The following WDPCP variants were observed in gnomAD, a reference collection of about 807,000 sequenced individuals.
WDPCP encodes the protein WD repeat-containing and planar cell polarity effector protein fritz homolog.
Under a neutral mutation model 93.1 loss-of-function variants are expected in WDPCP, and 71 were observed. That is an observed-to-expected ratio of 0.76 (90% CI 0.63 to 0.93). WDPCP has a LOEUF of 0.93. Ranked by LOEUF, WDPCP falls within the 40% of genes least tolerant of loss-of-function variation. The pLI is 0.00. For synonymous variants in WDPCP, 315 were observed against 315.0 expected (o/e 1.00, Z 0.00); for missense variants, 844 against 887.4 (o/e 0.95, Z 0.62).
At chr2:63,281,593 G>A (rs960384072) in intron 13 of WDPCP, among the ~76,000 whole-genome samples, 1 of 152,094 alleles carries the variant, frequency 6.6e-6, no homozygotes, top group Non-Finnish European at 1.5e-5. Flanking sequence ...ACCAATCAAC[G>A]AGCGGATAAA....
intron 14 of WDPCP, among the ~76,000 whole-genome samples, chr2:63,192,175 A>C (rs1212535210): frequency 6.6e-6 from 1 of 152,194 alleles, no homozygotes; most frequent in Non-Finnish European, 1.5e-5. Context: ...ATTTCACAGC[A>C]AGAATGAAAA....
intron 2 of WDPCP, among the ~76,000 whole-genome samples, chr2:63,708,796 CA>C (rs1419990025): frequency 6.6e-6 from 1 of 151,894 alleles, no homozygotes; most frequent in Admixed American, 6.6e-5. Context: ...ATTTTTAGTA[CA>C]GACAGGGTTT....
intron 3 of WDPCP, chr2:63,605,352 A>C: frequency 6.2e-7 from 1 of 1,614,216 alleles, no homozygotes; most frequent in South Asian, 1.1e-5. Context: ...TGCAAAAGCC[A>C]TCTGTGACCA....
intron 12 of WDPCP, among the ~76,000 whole-genome samples, chr2:63,377,096 A>G (rs569986562): frequency 6.6e-6 from 1 of 151,982 alleles, no homozygotes; most frequent in South Asian, 2.1e-4. Flanking sequence ...TAATAGATAA[A>G]TGGTTTTAAG....
chr2:63,295,880 CA>C (rs59418675), intron 13 of WDPCP, among the ~76,000 whole-genome samples: 215 of 115,214 alleles, frequency 1.9e-3, no homozygotes, highest in Middle Eastern at 5.7e-3. Context: ...GAAACTATTC[CA>C]AAAAAAAAAA....
intron 2 of WDPCP, chr2:63,717,338 C>A (rs1669353406): frequency 4.0e-6 from 2 of 497,436 alleles, no homozygotes; most frequent in South Asian, 1.6e-5. Flanking sequence ...AATGATGGCA[C>A]AATAGGCACC....
At chr2:63,369,258 C>A in intron 12 of WDPCP, 1 of 355,382 alleles carries the variant, frequency 2.8e-6, no homozygotes, top group South Asian at 2.2e-5. Flanking sequence ...TTACTTAATA[C>A]AGTGAATATA....
At chr2:63,644,629 A>G (rs940792099) in intron 3 of WDPCP, among the ~76,000 whole-genome samples, 1 of 152,130 alleles carries the variant, frequency 6.6e-6, no homozygotes, top group African/African-American at 2.4e-5. Flanking sequence ...CATTGGAGCC[A>G]TTGGGTCCTG....
At chr2:63,542,502 C>T (rs1018563994) in intron 1 of WDPCP, among the ~76,000 whole-genome samples, 5 of 152,100 alleles carry the variant, frequency 3.3e-5, no homozygotes, top group African/African-American at 7.2e-5. Flanking sequence ...GTGGCAATTG[C>T]GATAATGGTT....
At chr2:63,733,400 C>T (rs1431126249) in intron 2 of WDPCP, among the ~76,000 whole-genome samples, 7 of 147,732 alleles carry the variant, frequency 4.7e-5, no homozygotes, top group South Asian at 4.3e-4. Flanking sequence ...GACGGGGTTT[C>T]ACCTTGTTAG....
intron 1 of WDPCP, among the ~76,000 whole-genome samples, chr2:63,533,615 G>A (rs779064979): frequency 2.0e-5 from 3 of 152,032 alleles, no homozygotes; most frequent in Admixed American, 6.6e-5. Context: ...TAACTACTGG[G>A]TACATAACGA....
At chr2:63,245,690 C>G (rs1680216832) in intron 14 of WDPCP, among the ~76,000 whole-genome samples, 1 of 152,034 alleles carries the variant, frequency 6.6e-6, no homozygotes, top group Non-Finnish European at 1.5e-5. Flanking sequence ...TCATGATGAA[C>G]TAAAAATTGA....
intron 14 of WDPCP, among the ~76,000 whole-genome samples, chr2:63,237,635 T>C (rs1679512046): frequency 6.6e-6 from 1 of 152,158 alleles, no homozygotes; most frequent in South Asian, 2.1e-4. Flanking sequence ...TGGAATACTA[T>C]GTAGTCAGTC....
intron 12 of WDPCP, among the ~76,000 whole-genome samples, chr2:63,330,015 G>A (rs904713644): frequency 9.2e-5 from 14 of 151,982 alleles, no homozygotes; most frequent in African/African-American, 1.4e-4. Flanking sequence ...GGTTGTTTCC[G>A]TATCTCAACT....
chr2:63,192,869 A>AAAAC (rs1461265141), intron 14 of WDPCP, among the ~76,000 whole-genome samples: 3 of 152,274 alleles, frequency 2.0e-5, no homozygotes, highest in African/African-American at 7.2e-5. Flanking sequence ...TTTTCAAGGT[A>AAAAC]AAACACTTTT....
chr2:63,503,461 A>G (rs1030824283), intron 1 of WDPCP, among the ~76,000 whole-genome samples: 4 of 152,174 alleles, frequency 2.6e-5, no homozygotes, highest in Non-Finnish European at 4.4e-5. Context: ...GCAATAGTTT[A>G]TATCAGGCAT....
intron 3 of WDPCP, among the ~76,000 whole-genome samples, chr2:63,624,474 C>A (rs1375453558): frequency 6.6e-6 from 1 of 151,832 alleles, no homozygotes; most frequent in Non-Finnish European, 1.5e-5. Context: ...ATCAAATAGA[C>A]ACAATAAAAA....
At chr2:63,714,031 G>A (rs1575755361) in intron 2 of WDPCP, among the ~76,000 whole-genome samples, 1 of 151,604 alleles carries the variant, frequency 6.6e-6, no homozygotes, top group South Asian at 2.1e-4. Context: ...TCTTCGCTGC[G>A]AACAACTATG....
chr2:63,462,495 A>G (rs1352880426), intron 6 of WDPCP, among the ~76,000 whole-genome samples: 2 of 152,318 alleles, frequency 1.3e-5, no homozygotes, highest in Admixed American at 1.3e-4. Flanking sequence ...AACTTAATGT[A>G]TAATAAAAAA....
Sources: gnomAD v4.1 joint callset for allele counts (sites outside exome capture counted in the v4.1 genomes callset) on GRCh38, gnomAD v4.1.1 for gene constraint, MANE v1.5 for transcripts, NCBI Gene and HGNC (gene_info 2026-07-23, HGNC 2026-07-21) for gene names.